GABRA3: variants seen among roughly 807,000 people sequenced by gnomAD.
GABRA3 encodes the protein gamma-aminobutyric acid type A receptor subunit alpha3.
In GABRA3, 10 loss-of-function variants were observed where a neutral mutation model predicts 30.1. The ratio of observed to expected loss-of-function variants is 0.33; its 90% confidence interval spans 0.20 to 0.56. The LOEUF is 0.56. GABRA3 is among the 20% of genes least tolerant of loss of function. The probability of loss-of-function intolerance (pLI) is 0.89; values close to 1 mark genes in which losing one functional copy is unlikely to be tolerated. For synonymous variants in GABRA3, 151 were observed against 146.8 expected (o/e 1.03, Z -0.21); for missense variants, 233 against 392.0 (o/e 0.59, Z 3.42).
At chrX:152,424,906 T>C (rs1252570363) in intron 1 of GABRA3, among the ~76,000 whole-genome samples, 5 of 106,671 alleles carry the variant, frequency 4.7e-5, no homozygotes, top group Non-Finnish European at 9.6e-5. Flanking sequence ...AAATACTTCA[T>C]TGTATATTTT....
intron 5 of GABRA3, among the ~76,000 whole-genome samples, chrX:152,225,401 C>A (rs1441976433): frequency 1.2e-5 from 1 of 81,168 alleles, no homozygotes; most frequent in African/African-American, 4.9e-5. Context: ...ACACCACACA[C>A]ACGCACACAC....
At chrX:152,232,623 TTG>T (rs201621383) in intron 5 of GABRA3, among the ~76,000 whole-genome samples, 11,066 of 106,156 alleles carry the variant, frequency 0.1, 1,201 homozygotes, top group East Asian at 0.33. Context: ...TAGTGTTCTA[TTG>T]TGTGTGTGTG....
At chrX:152,255,703 A>C (rs753423404) in intron 5 of GABRA3, 75 bp downstream of exon 5, 105 of 894,752 alleles carry the variant, frequency 1.2e-4, no homozygotes, top group Admixed American at 5.9e-4. Context: ...TTTTCAATGG[A>C]TACTCTAAAA....
intron 1 of GABRA3, among the ~76,000 whole-genome samples, chrX:152,390,843 T>A (rs1929463068): frequency 9.0e-6 from 1 of 111,481 alleles, no homozygotes; most frequent in African/African-American, 3.3e-5. Flanking sequence ...AAAACAAGCA[T>A]ATGAGGTAGA....
intron 3 of GABRA3, among the ~76,000 whole-genome samples, chrX:152,312,865 C>T (rs773197194): frequency 9.8e-5 from 11 of 111,765 alleles, no homozygotes; most frequent in African/African-American, 3.6e-4. Flanking sequence ...ATGCAACCAA[C>T]AGGCATATGA....
intron 3 of GABRA3, among the ~76,000 whole-genome samples, chrX:152,308,833 T>C (rs898320788): frequency 1.8e-5 from 2 of 112,372 alleles, no homozygotes; most frequent in Admixed American, 1.9e-4. Context: ...GAATTCAGCA[T>C]GCAGGTCATC....
At chrX:152,184,732 T>A (rs2124342099) in intron 9 of GABRA3, among the ~76,000 whole-genome samples, 1 of 111,702 alleles carries the variant, frequency 9.0e-6, no homozygotes, top group Admixed American at 9.6e-5. Flanking sequence ...ATATCTCTTG[T>A]CTGACTGACA....
intron 4 of GABRA3, among the ~76,000 whole-genome samples, chrX:152,283,844 A>T (rs1245086961): frequency 3.6e-5 from 4 of 112,200 alleles, no homozygotes; most frequent in African/African-American, 1.3e-4. Flanking sequence ...TTTCCCTGAT[A>T]CTAGGATTTT....
chrX:152,385,028 T>C lies in GABRA3; in HGVS notation c.-26-20432A>G, dbSNP rs1002996718. On this transcript the variant is annotated intron_variant, in intron 1 of 9. Coordinates refer to ENST00000370314, the MANE Select transcript of GABRA3 (RefSeq NM_000808.4). ...TCATTAATAATCATGATAATGAAAA[T>C]TAGAAATTTAGAAATTAGAAATTAG... 9.9e-5 allele frequency among the ~76,000 whole-genome samples: 11 copies of C among 111,268 alleles called. No individual in the cohort carries two copies. The Admixed American group carries it at 1.1e-3, about 11-fold the overall frequency.
At chrX:152,248,294 T>C (rs1409660022) in intron 5 of GABRA3, among the ~76,000 whole-genome samples, 1 of 111,503 alleles carries the variant, frequency 9.0e-6, no homozygotes, top group East Asian at 2.8e-4. Flanking sequence ...TTTCCCACCA[T>C]GTCCATGTGA....
At chrX:152,234,657 A>G (rs1938160831) in intron 5 of GABRA3, among the ~76,000 whole-genome samples, 1 of 111,499 alleles carries the variant, frequency 9.0e-6, no homozygotes. Flanking sequence ...ATATGGTAAA[A>G]GATAGAGGTC....
chrX:152,438,647 G>T (rs1190529095), intron 1 of GABRA3, among the ~76,000 whole-genome samples: 2 of 111,993 alleles, frequency 1.8e-5, no homozygotes, highest in African/African-American at 3.2e-5. Context: ...GCAATAAAAA[G>T]AAATGAGTTA....
chrX:152,440,546 G>A (rs1049041496), intron 1 of GABRA3, among the ~76,000 whole-genome samples: 1 of 112,192 alleles, frequency 8.9e-6, no homozygotes, highest in African/African-American at 3.2e-5. Flanking sequence ...TTTAAATCAT[G>A]CTACTATAAA....
intron 2 of GABRA3, among the ~76,000 whole-genome samples, chrX:152,348,123 G>A (rs1426193094): frequency 9.0e-6 from 1 of 111,562 alleles, no homozygotes; most frequent in Non-Finnish European, 1.9e-5. Context: ...AAATTATTGT[G>A]TGGGGAAGCA....
chrX:152,285,202 T>C (rs1373104023), intron 3 of GABRA3, among the ~76,000 whole-genome samples: 1 of 111,965 alleles, frequency 8.9e-6, no homozygotes, highest in African/African-American at 3.2e-5. Context: ...ACAATTGATG[T>C]CTAATGCAAG....
intron 5 of GABRA3, chrX:152,250,495 G>T (rs769259653): frequency 9.0e-6 from 1 of 111,159 alleles, no homozygotes; most frequent in Admixed American, 9.7e-5. Context: ...TATATACAAC[G>T]AACATGTTTA....
At chrX:152,182,630 A>G (rs1477198782) in intron 9 of GABRA3, among the ~76,000 whole-genome samples, 1 of 54,976 alleles carries the variant, frequency 1.8e-5, no homozygotes, top group East Asian at 5.5e-4. Context: ...TAGTATATAT[A>G]CACTATATAT....
intron 3 of GABRA3, among the ~76,000 whole-genome samples, chrX:152,299,257 A>G (rs771511355): frequency 1.8e-5 from 2 of 112,101 alleles, no homozygotes; most frequent in Non-Finnish European, 3.8e-5. Context: ...AAAGACTAAA[A>G]TTGCTCTGTA....
chrX:152,335,039 G>A (rs1330313880), intron 3 of GABRA3, among the ~76,000 whole-genome samples: 2 of 111,726 alleles, frequency 1.8e-5, no homozygotes, highest in Admixed American at 1.9e-4. Context: ...AACTTTGGCT[G>A]AGAGTTTCTT....
Sources: allele counts gnomAD v4.1 joint callset (sites outside exome capture counted in the v4.1 genomes callset), GRCh38; gene constraint gnomAD v4.1.1; transcripts MANE v1.5; gene names NCBI Gene and HGNC (gene_info 2026-07-23, HGNC 2026-07-21).